The following DEPDC5 variants were observed in gnomAD, a reference collection of about 807,000 sequenced individuals.
DEPDC5 encodes the protein GATOR1 complex protein DEPDC5.
A neutral mutation model predicts 217.3 loss-of-function variants in DEPDC5; 73 were observed. The observed-to-expected ratio is 0.34, with a 90% CI of 0.28 to 0.41. The LOEUF (loss-of-function observed/expected upper bound fraction) is 0.41, where lower values mean the gene tolerates loss of function less well. Ranked by LOEUF, DEPDC5 falls within the 10% of genes least tolerant of loss-of-function variation. DEPDC5 has a pLI of 1.00. For synonymous variants in DEPDC5, 733 were observed against 756.7 expected (o/e 0.97, Z 0.51); for missense variants, 1,675 against 2,070.1 (o/e 0.81, Z 3.70).
intron 24 of DEPDC5, chr22:31,823,026 G>A: frequency 2.2e-6 from 1 of 464,188 alleles, no homozygotes; most frequent in East Asian, 4.3e-5. Flanking sequence ...TTCTGTCACA[G>A]AGTTGTGATT....
intron 8 of DEPDC5, among the ~76,000 whole-genome samples, chr22:31,779,219 C>G (rs1307506455): frequency 2.0e-5 from 3 of 152,166 alleles, no homozygotes; most frequent in Non-Finnish European, 4.4e-5. Flanking sequence ...GAGGGAACCA[C>G]TCCATGAACT....
chr22:31,853,852 C>A (rs1050157706), intron 31 of DEPDC5, among the ~76,000 whole-genome samples: 7 of 152,318 alleles, frequency 4.6e-5, no homozygotes, highest in African/African-American at 1.4e-4. Flanking sequence ...GATGGACATT[C>A]ATGTTCTGTC....
chr22:31,785,019 T>C, intron 10 of DEPDC5, 144 bp downstream of exon 10: 2 of 640,782 alleles, frequency 3.1e-6, no homozygotes, highest in Admixed American at 6.4e-5. Context: ...CCTAATAATC[T>C]CAATTTATGA....
intron 24 of DEPDC5, among the ~76,000 whole-genome samples, chr22:31,828,452 C>CA (rs35489633): frequency 0.035 from 2,541 of 72,870 alleles, 116 homozygotes; most frequent in African/African-American, 0.1. Context: ...AACTCCGTCT[C>CA]AAAAAAAAAA....
chr22:31,871,243 C>T (rs757360385), intron 34 of DEPDC5, among the ~76,000 whole-genome samples: 3 of 152,180 alleles, frequency 2.0e-5, no homozygotes, highest in East Asian at 1.9e-4. Context: ...TCTGAGAAAC[C>T]GTTTTATTTT....
rs903417732 is a variant in DEPDC5 at position 31,810,742 on chromosome 22, T to C, written c.1445+101T>C. 151 of 1,534,850 alleles carry C rather than the reference T, an allele frequency of 9.8e-5. 1 individual carries two copies. The highest frequency in any genetic ancestry group is 4.3e-5 in the Admixed American group (2 of 46,420). On this transcript the variant is annotated intron_variant, in intron 20 of 42. Transcript: ENST00000651528. ...GAGAGCAACCTTGAAAATCTTGTTT[T>C]GTTTTGTTTTGTTTCGTTTTGGTTT...
chr22:31,897,037 A>C (rs914946388), intron 39 of DEPDC5, among the ~76,000 whole-genome samples: 1 of 152,056 alleles, frequency 6.6e-6, no homozygotes, highest in African/African-American at 2.4e-5. Flanking sequence ...GAATTGCTTG[A>C]ACCTGGGAGG....
At chr22:31,772,161 C>T (rs761595334) in intron 7 of DEPDC5, among the ~76,000 whole-genome samples, 4 of 151,958 alleles carry the variant, frequency 2.6e-5, no homozygotes, top group Admixed American at 6.6e-5. Flanking sequence ...AAGCACAGGT[C>T]GATGCTGCAG....
intron 15 of DEPDC5, among the ~76,000 whole-genome samples, 176 bp downstream of exon 15, chr22:31,803,014 T>G (rs942170154): frequency 1.3e-5 from 2 of 152,134 alleles, no homozygotes; most frequent in East Asian, 3.9e-4. Context: ...TCAAATCAGT[T>G]TGGGAAATGC....
At chr22:31,801,001 T>TAAAA (rs1186599877) in intron 14 of DEPDC5, among the ~76,000 whole-genome samples, 1 of 150,896 alleles carries the variant, frequency 6.6e-6, no homozygotes, top group Admixed American at 6.6e-5. Flanking sequence ...TTTTTTTTTT[T>TAAAA]AAATAAATAG....
intron 19 of DEPDC5, among the ~76,000 whole-genome samples, chr22:31,809,899 T>C (rs1415224757): frequency 3.3e-5 from 5 of 152,118 alleles, no homozygotes; most frequent in African/African-American, 1.2e-4. Flanking sequence ...GGAGAATCAC[T>C]TGAACCCGGG....
chr22:31,888,433 A>T (rs927220180), intron 38 of DEPDC5, among the ~76,000 whole-genome samples: 1 of 150,190 alleles, frequency 6.7e-6, no homozygotes, highest in African/African-American at 2.4e-5. Flanking sequence ...TCTATTTTTA[A>T]TAGAGATGTG....
At chr22:31,804,131 C>T in intron 15 of DEPDC5, 31 bp from the exon 16 acceptor site, 1 of 1,611,746 alleles carries the variant, frequency 6.2e-7, no homozygotes, top group Non-Finnish European at 8.5e-7. Flanking sequence ...CATTCCCTCC[C>T]CACAATTCTT....
At position 31,870,601 on chromosome 22, in the gene DEPDC5, C is replaced by A; in HGVS notation, c.3342C>A (p.Asp1114Glu). 6.5e-7 allele frequency: 1 copy of A among 1,535,266 alleles called. No homozygotes were observed. Among genetic ancestry groups the A allele is most frequent in the Non-Finnish European group, 8.7e-7 (1 of 1,145,024 alleles). The change falls in exon 34 of 43, where the codon GAC (aspartate) becomes GAA (glutamate). Residue 1114 changes from aspartate to glutamate, a missense_variant. Asp to Glu is a conservative substitution (Grantham distance 45). Around this residue, in one of 11 missense-constraint regions of DEPDC5, gnomAD observed 126 missense variants for 113.8 expected, o/e 1.11. Coordinates refer to ENST00000651528, the MANE Select transcript of DEPDC5 (RefSeq NM_001242896.3). ...TAAATCTCCTGCAGGTATCTGTGGA[C>A]CAAACAGCCACTCCTATGTTGGACG... is the stretch of plus-strand genomic sequence containing the variant. ...SSAFYPQVSV[D>E]QTATPMLDGT... is the part of the protein sequence containing the mutation.
chr22:31,789,179 G>T (rs1020502535), intron 10 of DEPDC5, among the ~76,000 whole-genome samples: 19 of 152,234 alleles, frequency 1.2e-4, no homozygotes, highest in Non-Finnish European at 2.6e-4. Context: ...TATGGGCCTA[G>T]CCCGTATTCT....
rs372371916 is a variant in DEPDC5 at position 31,792,813 on chromosome 22, T to C, written c.763T>C (p.Tyr255His). ...CAAGGGGAGATTCTATGAAGACTTT[T>C]ACAAGTATGTTTGGGTGCTTTGCTA... is the stretch of plus-strand genomic sequence containing the variant. ...DHKGRFYEDF[Y>H]KVVVQNERRE... The change falls in exon 12 of 43, where the codon TAC becomes CAC. Residue 255 changes from tyrosine to histidine, a missense_variant. This residue lies in a region of DEPDC5 where 628 missense variants were observed against 762.1 expected (regional missense o/e 0.82). Transcript: ENST00000651528. The C allele has an allele frequency of 1.0e-5, 16 of 1,531,306 alleles. No individual in the cohort carries two copies. Among genetic ancestry groups the C allele is most frequent in the Non-Finnish European group, 1.4e-5 (16 of 1,151,226 alleles). The allele number at this position is 1,531,306 out of a possible 1,614,324, so 94.9% of individuals were successfully genotyped here.
At chr22:31,873,098 C>G in intron 34 of DEPDC5, 157 bp from the exon 35 acceptor site, 3 of 1,424,520 alleles carry the variant, frequency 2.1e-6, no homozygotes, top group Non-Finnish European at 2.8e-6. Flanking sequence ...TATGAGATAA[C>G]CCCCTGATAT....
At chr22:31,889,773 C>T (rs1010698414) in intron 38 of DEPDC5, among the ~76,000 whole-genome samples, 7 of 151,902 alleles carry the variant, frequency 4.6e-5, no homozygotes, top group African/African-American at 1.7e-4. Flanking sequence ...CTCCTGACCT[C>T]GTGATCCACC....
Position 31,904,393 on chromosome 22 carries a change from T to TA in DEPDC5, c.4437-1582dup, listed in dbSNP as rs948050346. Among the ~76,000 whole-genome samples, 9 of 151,638 alleles carry TA rather than the reference T, an allele frequency of 5.9e-5. No individual in the cohort carries two copies. The South Asian group carries it at 6.3e-4, about 11-fold the overall frequency. On this transcript the variant is annotated intron_variant, in intron 41 of 42. Transcript: ENST00000651528. ...ATGAGGTAAAAAAAAATTACTCTGG[T>TA]AAAAAAAAATCAGGCTGATCCATGC... is the stretch of plus-strand genomic sequence containing the variant.
Sources: gnomAD v4.1 joint callset for allele counts (sites outside exome capture counted in the v4.1 genomes callset) on GRCh38, gnomAD v4.1.1 for gene constraint, gnomAD v4.1.1 regional missense constraint, MANE v1.5 for transcripts, NCBI Gene and HGNC (gene_info 2026-07-23, HGNC 2026-07-21) for gene names.